PDE4B: variants seen among roughly 807,000 people sequenced by gnomAD.
PDE4B encodes the protein 3',5'-cyclic-AMP phosphodiesterase 4B.
In PDE4B, 20 loss-of-function variants were observed where a neutral mutation model predicts 82.2. The ratio of observed to expected loss-of-function variants is 0.24; its 90% CI spans 0.17 to 0.35. The LOEUF is 0.35. PDE4B is among the 10% of genes least tolerant of loss of function. The probability of loss-of-function intolerance (pLI) is 1.00; values close to 1 mark genes in which losing one functional copy is unlikely to be tolerated. For missense variants in PDE4B, 655 were observed against 907.2 expected, an observed-to-expected ratio of 0.72 and a Z score of 3.57; for synonymous variants, 320 against 318.9, an observed-to-expected ratio of 1.00 and a Z score of -0.04.
At chr1:65,894,149 A>G (rs918481147) in intron 1 of PDE4B, among the ~76,000 whole-genome samples, 2 of 151,932 alleles carry the variant, frequency 1.3e-5, no homozygotes, top group Admixed American at 1.3e-4. Flanking sequence ...TGTTGAAATA[A>G]AAAAAAAGAA....
intron 3 of PDE4B, among the ~76,000 whole-genome samples, chr1:66,187,809 A>C (rs1022975602): frequency 5.3e-5 from 8 of 151,716 alleles, no homozygotes; most frequent in Non-Finnish European, 1.0e-4. Flanking sequence ...GATTTTTTTG[A>C]AGGGTTTTCT....
At chr1:66,057,490 C>T (rs988242196) in intron 3 of PDE4B, among the ~76,000 whole-genome samples, 3 of 152,038 alleles carry the variant, frequency 2.0e-5, no homozygotes, top group African/African-American at 2.4e-5. Context: ...ATATTATATT[C>T]GTTCATTTTC....
chr1:66,098,219 A>G (rs1287162008), intron 3 of PDE4B, among the ~76,000 whole-genome samples: 1 of 152,142 alleles, frequency 6.6e-6, no homozygotes, highest in Non-Finnish European at 1.5e-5. Flanking sequence ...TCAGAGCTCT[A>G]TCTCAGTGCA....
At chr1:65,968,217 C>T (rs1251491433) in intron 3 of PDE4B, among the ~76,000 whole-genome samples, 1 of 151,992 alleles carries the variant, frequency 6.6e-6, no homozygotes, top group Non-Finnish European at 1.5e-5. Flanking sequence ...CCTTGTGGCT[C>T]CATTTACCCA....
chr1:65,991,616 T>C (rs1651248640), intron 3 of PDE4B, among the ~76,000 whole-genome samples: 1 of 152,186 alleles, frequency 6.6e-6, no homozygotes, highest in African/African-American at 2.4e-5. Flanking sequence ...ACCACTATAT[T>C]GTTTCTACTT....
At chr1:65,994,432 T>A (rs1651421253) in intron 3 of PDE4B, among the ~76,000 whole-genome samples, 1 of 152,146 alleles carries the variant, frequency 6.6e-6, no homozygotes, top group South Asian at 2.1e-4. Flanking sequence ...ATGTATTACA[T>A]CATGTTGTTT....
chr1:66,105,537 G>A (rs1197186677), intron 3 of PDE4B, among the ~76,000 whole-genome samples: 2 of 152,112 alleles, frequency 1.3e-5, no homozygotes, highest in South Asian at 2.1e-4. Flanking sequence ...GGGCAGTATA[G>A]CCATTTTCAT....
chr1:65,826,889 A>C (rs1382385443), intron 1 of PDE4B, among the ~76,000 whole-genome samples: 1 of 152,158 alleles, frequency 6.6e-6, no homozygotes, highest in Non-Finnish European at 1.5e-5. Context: ...GCCCTACCCC[A>C]CCATGTACAT....
intron 3 of PDE4B, among the ~76,000 whole-genome samples, chr1:65,922,949 T>A (rs886640503): frequency 6.6e-6 from 1 of 152,196 alleles, no homozygotes; most frequent in Non-Finnish European, 1.5e-5. Flanking sequence ...TACTGCCATC[T>A]TTGTGAAGCT....
At chr1:66,288,554 A>C (rs1332590905) in intron 7 of PDE4B, among the ~76,000 whole-genome samples, 1 of 150,618 alleles carries the variant, frequency 6.6e-6, no homozygotes, top group Non-Finnish European at 1.5e-5. Flanking sequence ...ACGCTGAATA[A>C]ATGTTAAAGA....
intron 3 of PDE4B, among the ~76,000 whole-genome samples, chr1:66,202,072 AC>A (rs529116086): frequency 3.3e-5 from 5 of 152,162 alleles, no homozygotes; most frequent in Non-Finnish European, 7.4e-5. Context: ...GTTTCAAAGA[AC>A]ATCTTTATTT....
At chr1:66,213,101 A>G (rs1213465235) in intron 3 of PDE4B, among the ~76,000 whole-genome samples, 1 of 152,038 alleles carries the variant, frequency 6.6e-6, no homozygotes, top group Non-Finnish European at 1.5e-5. Flanking sequence ...CAGAGACTCT[A>G]TGATTAATTA....
chr1:66,255,582 C>T (rs1654156140), intron 4 of PDE4B, among the ~76,000 whole-genome samples: 1 of 152,198 alleles, frequency 6.6e-6, no homozygotes, highest in Admixed American at 6.5e-5. Flanking sequence ...ACCTTTGTTC[C>T]TGCCATTTCT....
chr1:66,000,312 A>G (rs1651795864), intron 3 of PDE4B, among the ~76,000 whole-genome samples: 1 of 152,188 alleles, frequency 6.6e-6, no homozygotes, highest in Admixed American at 6.6e-5. Context: ...ATGCTTAATT[A>G]TCTATATTTT....
chr1:65,915,606 C>G (rs1180778318), intron 2 of PDE4B, among the ~76,000 whole-genome samples: 1 of 152,054 alleles, frequency 6.6e-6, no homozygotes, highest in Non-Finnish European at 1.5e-5. Flanking sequence ...ACTTAAGCAC[C>G]AGCATTTCTC....
chr1:66,150,390 C>T (rs1646367185), intron 3 of PDE4B, among the ~76,000 whole-genome samples: 1 of 152,234 alleles, frequency 6.6e-6, no homozygotes, highest in East Asian at 1.9e-4. Context: ...GATCTTTTGT[C>T]CTGCAACCTT....
intron 3 of PDE4B, among the ~76,000 whole-genome samples, chr1:66,063,487 CTTTGT>C (rs1018015402): frequency 2.0e-5 from 3 of 151,834 alleles, no homozygotes; most frequent in African/African-American, 4.8e-5. Flanking sequence ...TCTTATTATA[CTTTGT>C]TTTGTTTTTT....
rs1358444959 is a variant in PDE4B at position 65,844,686 on chromosome 1, T to C, written c.-71+51438T>C. Reference sequence around the variant, plus strand: ...CAAAAAGGCTGCTGTCTTTAATATGTAGTTTATTCTCCCCACAAACACATT... The same window carrying C: ...CAAAAAGGCTGCTGTCTTTAATATGCAGTTTATTCTCCCCACAAACACATT... On this transcript the variant is annotated intron_variant, in intron 1 of 16. Coordinates refer to ENST00000341517, the MANE Select transcript of PDE4B (RefSeq NM_002600.4). 3.9e-5 allele frequency among the ~76,000 whole-genome samples: 6 copies of C among 152,294 alleles called. No individual in the cohort carries two copies. The East Asian group carries it at 7.7e-4, about 20-fold the overall frequency.
intron 8 of PDE4B, 94 bp downstream of exon 8, chr1:66,332,714 C>T: frequency 2.2e-6 from 2 of 910,496 alleles, no homozygotes; most frequent in Non-Finnish European, 3.4e-6. Flanking sequence ...CCAGGGAATG[C>T]TACCAACTCT....
Sources: allele counts gnomAD v4.1 joint callset (sites outside exome capture counted in the v4.1 genomes callset), GRCh38; gene constraint gnomAD v4.1.1; transcripts MANE v1.5; gene names NCBI Gene and HGNC (gene_info 2026-07-23, HGNC 2026-07-21).